The following ZBBX variants were observed in gnomAD, a reference collection of about 807,000 sequenced individuals.
The protein encoded by ZBBX is zinc finger B-box domain-containing protein 1.
In ZBBX, 101 loss-of-function variants were observed where a neutral mutation model predicts 108.5. The observed-to-expected ratio is 0.93, with a 90% CI of 0.79 to 1.10. The LOEUF (loss-of-function observed/expected upper bound fraction) is 1.10, where lower values mean the gene tolerates loss of function less well. ZBBX is among the 50% of genes least tolerant of loss of function. The pLI, the probability that ZBBX is intolerant of heterozygous loss-of-function variation, is 0.00. For missense variants in ZBBX, 1,009 were observed against 941.4 expected (o/e 1.07, Z -0.94); for synonymous variants, 356 against 323.4 (o/e 1.10, Z -1.08).
intron 1 of ZBBX, among the ~76,000 whole-genome samples, chr3:167,402,864 G>T (rs1748468301): frequency 6.6e-6 from 1 of 150,462 alleles, no homozygotes; most frequent in African/African-American, 2.4e-5. Flanking sequence ...CAGGTCAGGA[G>T]AACTTATCCA....
intron 16 of ZBBX, among the ~76,000 whole-genome samples, chr3:167,308,161 C>T (rs1733988965): frequency 6.6e-6 from 1 of 152,246 alleles, no homozygotes; most frequent in African/African-American, 2.4e-5. Flanking sequence ...CATGAGCAGA[C>T]ACTTTCCTAA....
chr3:167,207,839 T>C, the ZBBX span, among the ~76,000 whole-genome samples: 1 of 152,072 alleles, frequency 6.6e-6, no homozygotes, highest in South Asian at 2.1e-4. Flanking sequence ...AAAAAGCATG[T>C]TCATAAGAAC....
chr3:167,385,174 C>G (rs1282978200), upstream of ZBBX, among the ~76,000 whole-genome samples: 1 of 151,970 alleles, frequency 6.6e-6, no homozygotes, highest in Non-Finnish European at 1.5e-5. Context: ...AGTGAACTGA[C>G]ACAAACCTAG....
the ZBBX span, among the ~76,000 whole-genome samples, chr3:167,192,518 TTTG>T: frequency 6.6e-6 from 1 of 152,204 alleles, no homozygotes; most frequent in Non-Finnish European, 1.5e-5. Flanking sequence ...TTATATGTTA[TTTG>T]CTTGTTTGCT....
upstream of ZBBX, among the ~76,000 whole-genome samples, chr3:167,384,521 G>A (rs917646571): frequency 2.6e-5 from 4 of 151,884 alleles, no homozygotes; most frequent in African/African-American, 7.3e-5. Context: ...GCAGTAGGGA[G>A]GAATACAAAA....
At chr3:167,319,421 G>T in intron 12 of ZBBX, among the ~76,000 whole-genome samples, 1 of 151,974 alleles carries the variant, frequency 6.6e-6, no homozygotes, top group Non-Finnish European at 1.5e-5. Context: ...ACTGTTTTTT[G>T]TGGGGGCAGG....
upstream of ZBBX, among the ~76,000 whole-genome samples, chr3:167,382,601 G>A (rs1405369938): frequency 1.3e-5 from 2 of 152,078 alleles, no homozygotes; most frequent in Non-Finnish European, 2.9e-5. Context: ...ATTTTACTAA[G>A]CTTGAAATAA....
chr3:167,256,982 T>A (rs1223842906), intron 20 of ZBBX, among the ~76,000 whole-genome samples: 1 of 152,298 alleles, frequency 6.6e-6, no homozygotes, highest in Admixed American at 6.5e-5. Flanking sequence ...CTTTTGGGTA[T>A]ACACCCAGCA....
chr3:167,228,989 T>A, the ZBBX span, among the ~76,000 whole-genome samples: 1 of 151,798 alleles, frequency 6.6e-6, no homozygotes, highest in African/African-American at 2.4e-5. Flanking sequence ...CCTGCTCCTA[T>A]AGAACAGAAT....
intron 20 of ZBBX, among the ~76,000 whole-genome samples, chr3:167,262,379 T>C (rs1277190598): frequency 6.6e-6 from 1 of 152,226 alleles, no homozygotes; most frequent in Non-Finnish European, 1.5e-5. Context: ...CTGCCTCCAG[T>C]CTGCCATAAT....
chr3:167,181,762 C>A, the ZBBX span, among the ~76,000 whole-genome samples: 1 of 152,202 alleles, frequency 6.6e-6, no homozygotes, highest in Admixed American at 6.5e-5. Flanking sequence ...CCATTGTAAT[C>A]TGAATCAATA....
At chr3:167,264,561 C>T (rs58873670) in intron 20 of ZBBX, among the ~76,000 whole-genome samples, 2,632 of 152,272 alleles carry the variant, frequency 0.017, 74 homozygotes, top group African/African-American at 0.06. Flanking sequence ...TTATGTCTTA[C>T]TGTACTGTCT....
At chr3:167,208,558 C>T in the ZBBX span, among the ~76,000 whole-genome samples, 1 of 152,152 alleles carries the variant, frequency 6.6e-6, no homozygotes, top group South Asian at 2.1e-4. Context: ...CTAGACACAT[C>T]CTGGGATAGA....
the ZBBX span, among the ~76,000 whole-genome samples, chr3:167,222,639 T>C: frequency 2.0e-5 from 3 of 152,022 alleles, no homozygotes; most frequent in Non-Finnish European, 4.4e-5. Flanking sequence ...CCCTGATGTA[T>C]TATTCATTGT....
intron 8 of ZBBX, among the ~76,000 whole-genome samples, chr3:167,355,639 G>A (rs1443651997): frequency 6.6e-6 from 1 of 151,632 alleles, no homozygotes; most frequent in East Asian, 1.9e-4. Context: ...TATCCAGTCA[G>A]CATAACCATA....
At chr3:167,336,193 G>A (rs1435166462) in intron 9 of ZBBX, among the ~76,000 whole-genome samples, 2 of 151,744 alleles carry the variant, frequency 1.3e-5, no homozygotes, top group African/African-American at 4.8e-5. Flanking sequence ...AATGAATCCT[G>A]CTATCAATGT....
the ZBBX span, among the ~76,000 whole-genome samples, chr3:167,233,247 C>A: frequency 6.6e-6 from 1 of 151,886 alleles, no homozygotes; most frequent in East Asian, 1.9e-4. Context: ...ACTGAACCAA[C>A]TCTGGGCCCT....
At chr3:167,378,852 G>A (rs962458433) in intron 2 of ZBBX, among the ~76,000 whole-genome samples, 3 of 152,042 alleles carry the variant, frequency 2.0e-5, no homozygotes, top group South Asian at 2.1e-4. Context: ...TCCCTCCATC[G>A]AAACCGAGCT....
intron 10 of ZBBX, chr3:167,331,606 G>A (rs942832082): frequency 2.0e-6 from 2 of 985,234 alleles, no homozygotes; most frequent in African/African-American, 1.7e-5. Context: ...AAAGCTGGAG[G>A]GTTGTACATT....
Sources: allele counts gnomAD v4.1 joint callset (sites outside exome capture counted in the v4.1 genomes callset), GRCh38; gene constraint gnomAD v4.1.1; transcripts MANE v1.5; gene names NCBI Gene and HGNC (gene_info 2026-07-23, HGNC 2026-07-21).